TTLL5: variants seen among roughly 807,000 people sequenced by gnomAD.
The protein encoded by TTLL5 is tubulin tyrosine ligase like 5.
Under a neutral mutation model 168.4 loss-of-function variants are expected in TTLL5, and 132 were observed. That is an observed-to-expected ratio of 0.78 (90% CI 0.68 to 0.91). TTLL5 has a LOEUF of 0.91. TTLL5 is among the 40% of genes least tolerant of loss of function. The pLI, the probability that TTLL5 is intolerant of heterozygous loss-of-function variation, is 0.00. For missense variants in TTLL5, 1,545 were observed against 1,581.5 expected (o/e 0.98, Z 0.39); for synonymous variants, 546 against 558.6 (o/e 0.98, Z 0.32).
intron 31 of TTLL5, among the ~76,000 whole-genome samples, chr14:75,925,001 G>A (rs938674293): frequency 1.4e-5 from 2 of 147,578 alleles, no homozygotes; most frequent in Admixed American, 1.3e-4. Context: ...GCGGCAGGCC[G>A]GGCAGAGGGG....
rs138129888 is a variant in TTLL5, at chr14:75,768,799, AG to A, written c.2015+2435del. ...GGCTGGAGGGTGACATTGGAGTAGC[AG>A]GGGATAGAGTTAAGGTTTGGAACAG... On this transcript the variant is annotated intron_variant, in intron 20 of 31. Coordinates refer to ENST00000298832, the MANE Select transcript of TTLL5 (RefSeq NM_015072.5). Among the ~76,000 whole-genome samples the A allele has an allele frequency of 5.8e-3, 876 of 152,310 alleles. 6 individuals carry two copies. The highest frequency in any genetic ancestry group is 8.3e-3 in the Non-Finnish European group (563 of 68,028).
Position 75,690,739 on chromosome 14 carries a change from C to A in TTLL5, c.502+417C>A, listed in dbSNP as rs139117634. ...GGCTCAAGTGATCCTTCCTCCTCAA[C>A]CTCCCAAGTAGCTGGGAATACAGGC... On this transcript the variant is annotated intron_variant, in intron 6 of 31. Transcript: ENST00000298832. Among the ~76,000 whole-genome samples the A allele has an allele frequency of 8.5e-5, 13 of 152,148 alleles. No individual in the cohort carries two copies. In the East Asian group the frequency reaches 2.3e-3, roughly 27 times the overall value.
intron 20 of TTLL5, among the ~76,000 whole-genome samples, chr14:75,770,179 G>GAAAAAAAAAAAAA (rs56876692): frequency 1.5e-4 from 13 of 84,988 alleles, no homozygotes; most frequent in Admixed American, 3.3e-4. Context: ...ACTCTGTCTC[G>GAAAAAAAAAAAAA]AAAAAAAAAA....
chr14:75,751,945 A>C (rs565599492), intron 17 of TTLL5, among the ~76,000 whole-genome samples: 22 of 152,270 alleles, frequency 1.4e-4, no homozygotes, highest in African/African-American at 5.3e-4. Context: ...TTGTATGCTA[A>C]ACAATCAAGA....
chr14:75,694,506 G>A (rs949954351), intron 6 of TTLL5, among the ~76,000 whole-genome samples: 1 of 152,022 alleles, frequency 6.6e-6, no homozygotes, highest in Non-Finnish European at 1.5e-5. Context: ...GCTAATTTTT[G>A]TGTTTTTAGT....
At chr14:75,850,262 C>T (rs760517832) in intron 28 of TTLL5, among the ~76,000 whole-genome samples, 2 of 149,278 alleles carry the variant, frequency 1.3e-5, no homozygotes, top group African/African-American at 2.5e-5. Context: ...CAAAATTATC[C>T]GGGCATGGTG....
At position 75,732,360 on chromosome 14, in the gene TTLL5, C is replaced by T. The variant is rs750525552; in HGVS notation, c.1065C>T (p.Leu355=). ...SCFELYGFDV[L]IDSTLKPWLL... ...TAGAACTCTATGGCTTTGACGTGCTCATAGATTCTACTCTGAAGCCATGGT... is the reference window on the plus strand; with the variant it reads ...TAGAACTCTATGGCTTTGACGTGCTTATAGATTCTACTCTGAAGCCATGGT... The change falls in exon 13 of 32, where the codon CTC becomes CTT. Residue 355 remains leucine, a synonymous_variant. Transcript: ENST00000298832. 7 of 1,613,738 alleles carry T rather than the reference C, an allele frequency of 4.3e-6. No homozygotes were observed. In the Admixed American group the frequency reaches 1.0e-4, roughly 23 times the overall value.
intron 31 of TTLL5, among the ~76,000 whole-genome samples, chr14:75,943,159 C>T: frequency 6.6e-6 from 1 of 152,112 alleles, no homozygotes; most frequent in East Asian, 1.9e-4. Flanking sequence ...AATGCAGTAA[C>T]ATCGTTGTTC....
chr14:75,850,182 G>A (rs893405560), intron 28 of TTLL5, among the ~76,000 whole-genome samples: 1 of 151,796 alleles, frequency 6.6e-6, no homozygotes, highest in African/African-American at 2.4e-5. Context: ...CGAGGCGGGC[G>A]GATCACTTGA....
intron 28 of TTLL5, among the ~76,000 whole-genome samples, chr14:75,825,455 C>G (rs1463049926): frequency 5.3e-5 from 8 of 152,128 alleles, no homozygotes; most frequent in African/African-American, 1.9e-4. Context: ...TCAGCAGGCC[C>G]TTTTTCTCTG....
chr14:75,819,866 C>G, intron 27 of TTLL5, 141 bp from the exon 28 acceptor site: 1 of 817,512 alleles, frequency 1.2e-6, no homozygotes, highest in South Asian at 1.9e-5. Flanking sequence ...CCATTCCTTC[C>G]TGAGTGCCTT....
At chr14:75,768,920 C>A (rs1009621337) in intron 20 of TTLL5, among the ~76,000 whole-genome samples, 6 of 152,174 alleles carry the variant, frequency 3.9e-5, no homozygotes, top group Non-Finnish European at 8.8e-5. Flanking sequence ...GTGCTACCAA[C>A]TGGCCGTGTG....
chr14:75,869,986 A>G (rs1434933770), intron 29 of TTLL5, among the ~76,000 whole-genome samples: 1 of 151,334 alleles, frequency 6.6e-6, no homozygotes, highest in Non-Finnish European at 1.5e-5. Flanking sequence ...CGCCAGGCTA[A>G]TTTTTGTATT....
At chr14:75,734,444 A>G (rs1888758743) in intron 14 of TTLL5, among the ~76,000 whole-genome samples, 1 of 152,210 alleles carries the variant, frequency 6.6e-6, no homozygotes, top group Non-Finnish European at 1.5e-5. Context: ...GTTATAACCA[A>G]AGCAGCCCAA....
Position 75,889,836 on chromosome 14 carries a change from AAAAAAAAAG to A in TTLL5, c.3740+6936_3740+6944del, listed in dbSNP as rs1433271982. Among the ~76,000 whole-genome samples the A allele has an allele frequency of 3.2e-3, 328 of 100,966 alleles. 6 individuals carry two copies. In the South Asian group the frequency reaches 0.062, roughly 19 times the overall value. 66.2% of individuals were successfully genotyped at this position (100,966 alleles called of 152,430 possible). On this transcript the variant is annotated intron_variant, in intron 30 of 31. Transcript: ENST00000298832. ...CAGAGCGAGACTCTTAAAAAAAAAA[AAAAAAAAAG>A]AGGAAGGAAGGAAGGGAAGAAGCGA...
At chr14:75,930,018 A>G (rs2034222615) in intron 31 of TTLL5, among the ~76,000 whole-genome samples, 1 of 152,242 alleles carries the variant, frequency 6.6e-6, no homozygotes, top group Non-Finnish European at 1.5e-5. Context: ...CGTAAGCACC[A>G]AAGCAATTAA....
intron 3 of TTLL5, among the ~76,000 whole-genome samples, 181 bp from the exon 4 acceptor site, chr14:75,681,364 T>G (rs1244247108): frequency 6.6e-6 from 1 of 152,208 alleles, no homozygotes; most frequent in African/African-American, 2.4e-5. Flanking sequence ...CATCTATGTC[T>G]AATGACCTCC....
At chr14:75,929,616 C>T (rs2034207333) in intron 31 of TTLL5, among the ~76,000 whole-genome samples, 1 of 151,988 alleles carries the variant, frequency 6.6e-6, no homozygotes, top group South Asian at 2.1e-4. Flanking sequence ...CCACACCTGG[C>T]TAATTTTTGT....
chr14:75,734,341 TA>T (rs369154594), intron 14 of TTLL5, among the ~76,000 whole-genome samples: 1 of 152,268 alleles, frequency 6.6e-6, no homozygotes, highest in East Asian at 1.9e-4. Flanking sequence ...GCTGGGAAAG[TA>T]AAACCCACTG....
Sources: gnomAD v4.1 joint callset for allele counts (sites outside exome capture counted in the v4.1 genomes callset) on GRCh38, gnomAD v4.1.1 for gene constraint, MANE v1.5 for transcripts, NCBI Gene and HGNC (gene_info 2026-07-23, HGNC 2026-07-21) for gene names.